The following FREM1 variants were observed in gnomAD, a reference collection of about 807,000 sequenced individuals.
The protein encoded by FREM1 is FRAS1 related extracellular matrix 1.
Under a neutral mutation model 210.1 loss-of-function variants are expected in FREM1, and 220 were observed. The observed-to-expected ratio is 1.05, with a 90% CI of 0.94 to 1.17. FREM1 has a LOEUF of 1.17. Ranked by LOEUF, FREM1 falls within the 50% of genes most tolerant of loss-of-function variation. The pLI, the probability that FREM1 is intolerant of heterozygous loss-of-function variation, is 0.00. For missense variants in FREM1, 3,454 were observed against 2,675.5 expected (o/e 1.29, Z -6.42); for synonymous variants, 1,189 against 980.2 (o/e 1.21, Z -3.98).
chr9:14,781,182 T>C (rs1029589508), intron 24 of FREM1, among the ~76,000 whole-genome samples: 2 of 152,202 alleles, frequency 1.3e-5, no homozygotes, highest in South Asian at 2.1e-4. Context: ...GGTTTTCTCA[T>C]GTGTACAATG....
At chr9:14,898,630 T>C (rs1838202024) in intron 1 of FREM1, among the ~76,000 whole-genome samples, 1 of 152,132 alleles carries the variant, frequency 6.6e-6, no homozygotes, top group African/African-American at 2.4e-5. Flanking sequence ...TAATCCCAAC[T>C]ACTCAGGAGG....
At position 14,792,619 on chromosome 9, in the gene FREM1, A is replaced by C. The variant is rs1164165054; in HGVS notation, c.3981+124T>G. On this transcript the variant is annotated intron_variant, in intron 22 of 36. Transcript: ENST00000380880. Reference sequence around the variant, plus strand: ...AATTCACCCTGAACTAGTAAAATTAAATTTTCTACTTCTAGGCAAATATAT... The same window carrying C: ...AATTCACCCTGAACTAGTAAAATTACATTTTCTACTTCTAGGCAAATATAT... 5 of 707,672 alleles carry C rather than the reference A, an allele frequency of 7.1e-6. No homozygotes were observed. In the East Asian group the frequency reaches 9.0e-5, roughly 13 times the overall value. 43.8% of individuals were successfully genotyped at this position (707,672 alleles called of 1,614,324 possible). A position where few individuals can be genotyped will look rare whatever the true frequency, so the allele number is the denominator to read the frequency against.
At chr9:14,763,871 G>A (rs995594871) in intron 27 of FREM1, among the ~76,000 whole-genome samples, 15 of 152,210 alleles carry the variant, frequency 9.9e-5, no homozygotes, top group Non-Finnish European at 2.9e-5. Context: ...GTCTTGTAGA[G>A]CATCTAAAAC....
chr9:14,908,754 T>G (rs568954932), intron 1 of FREM1, among the ~76,000 whole-genome samples: 1 of 152,296 alleles, frequency 6.6e-6, no homozygotes, highest in African/African-American at 2.4e-5. Context: ...TTTACCCAAG[T>G]GTGACCCACC....
In FREM1 at chr9:14,801,821, G is replaced by A. The variant is rs769946861; in HGVS notation, c.3525C>T (p.Asp1175=). The A allele has an allele frequency of 2.5e-6, 4 of 1,613,806 alleles. No individual in the cohort carries two copies. Among genetic ancestry groups the A allele is most frequent in the Non-Finnish European group, 3.4e-6 (4 of 1,179,890 alleles). The change falls in exon 20 of 37, where the codon GAC becomes GAT. Residue 1175 remains aspartate, a synonymous_variant. Transcript: ENST00000380880. The part of the protein sequence containing the change: ...ELDSSIISAV[D]LDIPQDALLF... ...GCAGGGCATCCTGGGGAATGTCCAG[G>A]TCCACAGCGCTGATGATGGAAGAGT...
intron 24 of FREM1, among the ~76,000 whole-genome samples, chr9:14,781,595 G>A (rs770402349): frequency 2.0e-5 from 3 of 152,060 alleles, no homozygotes; most frequent in African/African-American, 4.8e-5. Context: ...ACTGTTTTTA[G>A]TATCAACACC....
intron 6 of FREM1, among the ~76,000 whole-genome samples, chr9:14,849,656 A>G (rs1353722301): frequency 1.3e-5 from 2 of 152,232 alleles, no homozygotes; most frequent in Non-Finnish European, 2.9e-5. Flanking sequence ...AGGAAACTAC[A>G]TGGGCAGGAG....
At chr9:14,806,253 C>T (rs1178557379) in intron 18 of FREM1, among the ~76,000 whole-genome samples, 4 of 129,752 alleles carry the variant, frequency 3.1e-5, no homozygotes, top group Admixed American at 8.1e-5. Context: ...GTGCTTTAAA[C>T]TTTTTTTTTT....
At chr9:14,898,054 G>A (rs1195661554) in intron 1 of FREM1, among the ~76,000 whole-genome samples, 1 of 152,172 alleles carries the variant, frequency 6.6e-6, no homozygotes, top group Non-Finnish European at 1.5e-5. Flanking sequence ...TAAAAAAGGA[G>A]GATGAGAGAG....
chr9:14,860,680 T>C (rs1416262002), intron 3 of FREM1, among the ~76,000 whole-genome samples: 2 of 109,216 alleles, frequency 1.8e-5, no homozygotes. Context: ...TACACACATA[T>C]ATACACATAT....
chr9:14,891,089 G>A (rs1220183596), intron 1 of FREM1, among the ~76,000 whole-genome samples: 3 of 152,236 alleles, frequency 2.0e-5, no homozygotes, highest in East Asian at 1.9e-4. Context: ...CCAGTGTCAC[G>A]CCAACTGAAA....
chr9:14,827,977 G>A (rs1030562658), intron 10 of FREM1, among the ~76,000 whole-genome samples: 1 of 152,200 alleles, frequency 6.6e-6, no homozygotes. Context: ...AAACACAGCT[G>A]CCTCCACTTA....
chr9:14,862,023 TGTTTTTTAACTCTAAAGTCTTAGAA>T (rs1830692163), intron 3 of FREM1, among the ~76,000 whole-genome samples: 2 of 152,356 alleles, frequency 1.3e-5, no homozygotes, highest in South Asian at 4.1e-4. Flanking sequence ...TGAAGTTATT[TGTTTTTTAACTCTAAAGTCTTAGAA>T]AGATCAAATG....
intron 1 of FREM1, among the ~76,000 whole-genome samples, chr9:14,875,879 G>C (rs946111705): frequency 1.8e-4 from 28 of 152,176 alleles, no homozygotes; most frequent in Admixed American, 1.8e-3. Flanking sequence ...CTGTTTGTTA[G>C]TTTTCCTTCT....
chr9:14,861,906 T>C (rs1830669786), intron 3 of FREM1, among the ~76,000 whole-genome samples: 1 of 152,220 alleles, frequency 6.6e-6, no homozygotes, highest in African/African-American at 2.4e-5. Context: ...TGTTGTGCTA[T>C]CAAATACTAG....
chr9:14,882,493 T>TCACCA (rs1834972725), intron 1 of FREM1, among the ~76,000 whole-genome samples: 1 of 151,222 alleles, frequency 6.6e-6, no homozygotes, highest in South Asian at 2.1e-4. Context: ...TGGATTCTTG[T>TCACCA]TCTGTCACCC....
intron 6 of FREM1, among the ~76,000 whole-genome samples, chr9:14,850,887 T>C (rs1244778058): frequency 6.6e-6 from 1 of 152,226 alleles, no homozygotes; most frequent in East Asian, 1.9e-4. Flanking sequence ...GCTAGCACAA[T>C]ACGTTTCACT....
At chr9:14,856,966 C>G (rs1252070950) in intron 5 of FREM1, among the ~76,000 whole-genome samples, 1 of 152,100 alleles carries the variant, frequency 6.6e-6, no homozygotes, top group East Asian at 1.9e-4. Context: ...ATGGAATCCA[C>G]TTTCTGTCAT....
At chr9:14,860,114 T>C (rs1016111179) in intron 3 of FREM1, among the ~76,000 whole-genome samples, 1 of 152,202 alleles carries the variant, frequency 6.6e-6, no homozygotes, top group African/African-American at 2.4e-5. Context: ...ATGCAGCTTC[T>C]AATTGATGTG....
Sources: gnomAD v4.1 joint callset for allele counts (sites outside exome capture counted in the v4.1 genomes callset) on GRCh38, gnomAD v4.1.1 for gene constraint, MANE v1.5 for transcripts, NCBI Gene and HGNC (gene_info 2026-07-23, HGNC 2026-07-21) for gene names.